The following RTN1 variants were observed in gnomAD, a reference collection of about 807,000 sequenced individuals.
The protein encoded by RTN1 is reticulon-1.
RTN1 carries 25 observed loss-of-function variants against 65.5 expected under a neutral mutation model. The ratio of observed to expected loss-of-function variants is 0.38; its 90% confidence interval spans 0.28 to 0.53. The LOEUF (loss-of-function observed/expected upper bound fraction) is 0.53. RTN1 is among the 20% of genes least tolerant of loss of function. The pLI is 0.79. For synonymous variants in RTN1, 471 were observed against 447.6 expected, an observed-to-expected ratio of 1.05 and a Z score of -0.66; for missense variants, 983 against 1,025.4, an observed-to-expected ratio of 0.96 and a Z score of 0.57.
chr14:59,610,375 G>C (rs546238186), intron 3 of RTN1: 2 of 546,226 alleles, frequency 3.7e-6, no homozygotes, highest in Non-Finnish European at 6.5e-6. Flanking sequence ...ACAACAGGCT[G>C]TTGGTTCTGG....
chr14:59,620,349 A>G (rs191409249), intron 3 of RTN1, among the ~76,000 whole-genome samples: 2 of 152,254 alleles, frequency 1.3e-5, no homozygotes, highest in African/African-American at 2.4e-5. Flanking sequence ...GGGTAGGAAA[A>G]GTCAAGGCCT....
chr14:59,801,345 C>A (rs536323391), intron 1 of RTN1, among the ~76,000 whole-genome samples: 6 of 152,102 alleles, frequency 3.9e-5, no homozygotes, highest in Admixed American at 6.5e-5. Flanking sequence ...ACAAAATCTT[C>A]AAGACAAGGA....
At position 59,607,656 on chromosome 14, in the gene RTN1, C is replaced by A. The variant is rs1881805991; in HGVS notation, c.1766-164G>T. On this transcript the variant is annotated intron_variant, in intron 3 of 8. Coordinates refer to ENST00000267484, the MANE Select transcript of RTN1 (RefSeq NM_021136.3). ...TGGCTGTGCCAAGGGCACTTACTGTCATTCCACTTTGGTTTGGAAGAATCT... is the reference window on the plus strand; with the variant it reads ...TGGCTGTGCCAAGGGCACTTACTGTAATTCCACTTTGGTTTGGAAGAATCT... The A allele has an allele frequency of 3.5e-5, 22 of 632,440 alleles. No homozygotes were observed. In the South Asian group the frequency reaches 4.1e-4, roughly 12 times the overall value. The allele number at this position is 632,440 out of a possible 1,614,324, so 39.2% of individuals were successfully genotyped here.
At chr14:59,761,761 C>T (rs1392749827) in intron 1 of RTN1, among the ~76,000 whole-genome samples, 1 of 152,136 alleles carries the variant, frequency 6.6e-6, no homozygotes, top group Non-Finnish European at 1.5e-5. Context: ...CCAGCCCATA[C>T]CATGTCTTGG....
chr14:59,719,438 A>G (rs1884602774), intron 3 of RTN1, among the ~76,000 whole-genome samples: 1 of 152,130 alleles, frequency 6.6e-6, no homozygotes, highest in African/African-American at 2.4e-5. Flanking sequence ...TCTCTTACAC[A>G]TCACTCTGTT....
chr14:59,759,131 A>G (rs1356439060), intron 1 of RTN1, among the ~76,000 whole-genome samples: 1 of 152,202 alleles, frequency 6.6e-6, no homozygotes, highest in Non-Finnish European at 1.5e-5. Flanking sequence ...CATTGTCAGA[A>G]AAAAACAAAG....
At chr14:59,653,064 G>A (rs1316651839) in intron 3 of RTN1, among the ~76,000 whole-genome samples, 1 of 152,074 alleles carries the variant, frequency 6.6e-6, no homozygotes, top group Non-Finnish European at 1.5e-5. Flanking sequence ...TTAGTCAACA[G>A]ATATAAGAAC....
chr14:59,731,264 G>T (rs1254577605), intron 2 of RTN1, among the ~76,000 whole-genome samples: 1 of 152,182 alleles, frequency 6.6e-6, no homozygotes, highest in African/African-American at 2.4e-5. Flanking sequence ...CACATATTAT[G>T]TGAGCCCATT....
chr14:59,662,762 A>C (rs947827365), intron 3 of RTN1, among the ~76,000 whole-genome samples: 1 of 152,222 alleles, frequency 6.6e-6, no homozygotes, highest in Non-Finnish European at 1.5e-5. Flanking sequence ...CAATGAAATA[A>C]GAGAGGACAC....
intron 3 of RTN1, among the ~76,000 whole-genome samples, chr14:59,626,926 T>C (rs994313231): frequency 6.6e-6 from 1 of 152,214 alleles, no homozygotes; most frequent in Non-Finnish European, 1.5e-5. Flanking sequence ...AATTTTGTTG[T>C]ATTTGTAAAG....
intron 3 of RTN1, among the ~76,000 whole-genome samples, chr14:59,634,492 T>C (rs1252314302): frequency 6.6e-6 from 1 of 152,186 alleles, no homozygotes; most frequent in Admixed American, 6.5e-5. Flanking sequence ...TAGCACATGT[T>C]ATTTGCCAGG....
intron 3 of RTN1, among the ~76,000 whole-genome samples, chr14:59,726,711 C>T (rs1178521299): frequency 6.6e-6 from 1 of 152,168 alleles, no homozygotes; most frequent in Non-Finnish European, 1.5e-5. Flanking sequence ...CTGAGTTGCC[C>T]TGAGCACGCG....
At chr14:59,729,067 G>C (rs1884843524) in intron 2 of RTN1, among the ~76,000 whole-genome samples, 2 of 152,204 alleles carry the variant, frequency 1.3e-5, no homozygotes, top group Admixed American at 1.3e-4. Flanking sequence ...AGTCCGTGTA[G>C]GCCTCATTGA....
chr14:59,804,798 T>C (rs1259187948), intron 1 of RTN1, among the ~76,000 whole-genome samples: 1 of 152,208 alleles, frequency 6.6e-6, no homozygotes, highest in Non-Finnish European at 1.5e-5. Flanking sequence ...GCTTTAGTGG[T>C]CCTGATCATG....
intron 1 of RTN1, among the ~76,000 whole-genome samples, chr14:59,861,215 G>A (rs187822609): frequency 1.6e-3 from 243 of 152,244 alleles, no homozygotes; most frequent in Admixed American, 0.014. Flanking sequence ...GAATCATGGG[G>A]CAGGTCTTTT....
chr14:59,710,976 A>G (rs1340795491), intron 3 of RTN1, among the ~76,000 whole-genome samples: 4 of 152,256 alleles, frequency 2.6e-5, no homozygotes. Context: ...TACATTTTAT[A>G]GATGAGGCTT....
chr14:59,830,513 A>C (rs1281276939), intron 1 of RTN1, among the ~76,000 whole-genome samples: 1 of 152,204 alleles, frequency 6.6e-6, no homozygotes, highest in Non-Finnish European at 1.5e-5. Context: ...AAAGAACCAG[A>C]TGCCTACTAG....
At chr14:59,626,114 T>C (rs141029454) in intron 3 of RTN1, among the ~76,000 whole-genome samples, 121 of 152,310 alleles carry the variant, frequency 7.9e-4, no homozygotes, top group African/African-American at 2.6e-3. Flanking sequence ...TGTATATGTG[T>C]AAAATGTCTT....
chr14:59,721,019 A>T (rs183943706), intron 3 of RTN1, among the ~76,000 whole-genome samples: 71 of 151,980 alleles, frequency 4.7e-4, no homozygotes, highest in African/African-American at 1.5e-3. Context: ...TTTTTTTTAG[A>T]ATTATGAGAA....
Sources: allele counts gnomAD v4.1 joint callset (sites outside exome capture counted in the v4.1 genomes callset), GRCh38; gene constraint gnomAD v4.1.1; transcripts MANE v1.5; gene names NCBI Gene and HGNC (gene_info 2026-07-23, HGNC 2026-07-21).